ARHGAP15: variants seen among roughly 807,000 people sequenced by gnomAD.
ARHGAP15 encodes rho GTPase-activating protein 15.
A neutral mutation model predicts 63.7 loss-of-function variants in ARHGAP15; 51 were observed. The observed-to-expected ratio is 0.80, with a 90% CI of 0.64 to 1.01. The LOEUF is 1.01. Ranked by LOEUF, ARHGAP15 falls within the 50% of genes least tolerant of loss-of-function variation. The pLI is 0.00. For missense variants in ARHGAP15, 560 were observed against 564.6 expected (o/e 0.99, Z 0.08); for synonymous variants, 191 against 193.8 (o/e 0.99, Z 0.12).
At chr2:143,625,813 A>T (rs1698813116) in intron 12 of ARHGAP15, among the ~76,000 whole-genome samples, 2 of 152,072 alleles carry the variant, frequency 1.3e-5, no homozygotes, top group Admixed American at 1.3e-4. Flanking sequence ...AAGTCATATA[A>T]ATTTCACATC....
chr2:143,579,884 T>C (rs555934253), intron 11 of ARHGAP15, among the ~76,000 whole-genome samples: 1 of 150,524 alleles, frequency 6.6e-6, no homozygotes, highest in East Asian at 2.0e-4. Flanking sequence ...TTTTTATTTT[T>C]ATTTTTATTT....
Position 143,337,301 on chromosome 2 carries a change from T to A in ARHGAP15, c.474+86701T>A, listed in dbSNP as rs149492478. 8.8e-3 allele frequency among the ~76,000 whole-genome samples: 1,338 copies of A among 152,276 alleles called. 23 individuals are homozygous for A. Among genetic ancestry groups the A allele is most frequent in the African/African-American group, 0.03 (1,262 of 41,548 alleles). On this transcript the variant is annotated intron_variant, in intron 6 of 13. Coordinates refer to ENST00000295095, the MANE Select transcript of ARHGAP15 (RefSeq NM_018460.4). Reference sequence around the variant, plus strand: ...AGGGAGGTGGGAGGAAGGGGCCAGATTGCAGTTTTGATGGCTGAGTTAAAG... The same window carrying A: ...AGGGAGGTGGGAGGAAGGGGCCAGAATGCAGTTTTGATGGCTGAGTTAAAG...
At chr2:143,342,652 C>A (rs888655282) in intron 6 of ARHGAP15, among the ~76,000 whole-genome samples, 2 of 151,988 alleles carry the variant, frequency 1.3e-5, no homozygotes, top group African/African-American at 2.4e-5. Flanking sequence ...CTCTGACAAC[C>A]TTTAAGTTTG....
chr2:143,569,968 T>C (rs1696385463), intron 11 of ARHGAP15, among the ~76,000 whole-genome samples: 1 of 152,206 alleles, frequency 6.6e-6, no homozygotes. Context: ...TCAATTTTCA[T>C]GTCACCTCTT....
chr2:143,548,402 G>T (rs1302057155), intron 10 of ARHGAP15, among the ~76,000 whole-genome samples: 3 of 151,356 alleles, frequency 2.0e-5, no homozygotes, highest in Non-Finnish European at 4.4e-5. Context: ...CTCTTTCGAG[G>T]TATTTAATTT....
At chr2:143,430,033 C>A (rs887626007) in intron 6 of ARHGAP15, among the ~76,000 whole-genome samples, 3 of 152,056 alleles carry the variant, frequency 2.0e-5, no homozygotes, top group African/African-American at 7.2e-5. Flanking sequence ...GTGGCTTGTT[C>A]CTCATACAAC....
At chr2:143,338,543 T>C (rs1161758381) in intron 6 of ARHGAP15, among the ~76,000 whole-genome samples, 7 of 152,134 alleles carry the variant, frequency 4.6e-5, no homozygotes, top group Non-Finnish European at 7.4e-5. Flanking sequence ...GATTACTCGA[T>C]GGGAAGTAGG....
At chr2:143,448,914 A>G (rs1690270047) in intron 8 of ARHGAP15, among the ~76,000 whole-genome samples, 1 of 152,080 alleles carries the variant, frequency 6.6e-6, no homozygotes. Flanking sequence ...GAAAGTCCAG[A>G]GCCAAAGGGT....
At chr2:143,468,290 T>C (rs773966676) in intron 8 of ARHGAP15, among the ~76,000 whole-genome samples, 2 of 152,026 alleles carry the variant, frequency 1.3e-5, no homozygotes, top group Non-Finnish European at 2.9e-5. Flanking sequence ...TTTTTTTCCT[T>C]TAGGGACTTT....
intron 1 of ARHGAP15, among the ~76,000 whole-genome samples, chr2:143,134,137 ATCTATCTATCTATCTACCTATCTATCT>A (rs1558765451): frequency 9.9e-4 from 30 of 30,428 alleles, no homozygotes; most frequent in Non-Finnish European, 2.9e-3. Flanking sequence ...CTATCTATCT[ATCTATCTATCTATCTACCTATCTATCT>A]ATCATCTATC....
intron 10 of ARHGAP15, among the ~76,000 whole-genome samples, chr2:143,541,212 T>C (rs976617352): frequency 6.6e-6 from 1 of 152,238 alleles, no homozygotes; most frequent in Non-Finnish European, 1.5e-5. Context: ...TCTTGTGCCA[T>C]GGTTTTCAGC....
At chr2:143,627,634 TC>T (rs1280306149) in intron 12 of ARHGAP15, among the ~76,000 whole-genome samples, 1 of 152,082 alleles carries the variant, frequency 6.6e-6, no homozygotes, top group African/African-American at 2.4e-5. Flanking sequence ...ACAGATCCAC[TC>T]GCGAGTTTTC....
At chr2:143,327,506 G>T (rs1291033814) in intron 6 of ARHGAP15, among the ~76,000 whole-genome samples, 3 of 152,082 alleles carry the variant, frequency 2.0e-5, no homozygotes, top group Non-Finnish European at 4.4e-5. Flanking sequence ...ATACTACAAG[G>T]CTACAGTTAA....
chr2:143,758,274 G>T (rs992114105), intron 13 of ARHGAP15, among the ~76,000 whole-genome samples: 7 of 151,182 alleles, frequency 4.6e-5, no homozygotes, highest in Non-Finnish European at 8.8e-5. Flanking sequence ...ATATACAAGT[G>T]TGTGTGTATA....
chr2:143,348,196 T>G (rs1685384866), intron 6 of ARHGAP15, among the ~76,000 whole-genome samples: 1 of 152,194 alleles, frequency 6.6e-6, no homozygotes, highest in African/African-American at 2.4e-5. Flanking sequence ...TACCTTGATG[T>G]CATACTCACA....
At chr2:143,600,054 C>T (rs909886644) in intron 11 of ARHGAP15, among the ~76,000 whole-genome samples, 2 of 152,134 alleles carry the variant, frequency 1.3e-5, no homozygotes, top group Admixed American at 1.3e-4. Flanking sequence ...AAGAAGGGAA[C>T]TTGAAGTGAA....
At chr2:143,630,670 T>C (rs1473443678) in intron 12 of ARHGAP15, among the ~76,000 whole-genome samples, 1 of 152,148 alleles carries the variant, frequency 6.6e-6, no homozygotes, top group Non-Finnish European at 1.5e-5. Flanking sequence ...GCAAGCTAAA[T>C]AATATGCCTA....
intron 11 of ARHGAP15, among the ~76,000 whole-genome samples, chr2:143,605,814 G>C (rs1213204299): frequency 2.3e-5 from 3 of 130,652 alleles, no homozygotes; most frequent in South Asian, 5.0e-4. Flanking sequence ...AGGAGTTCGC[G>C]AACAGCCTGG....
chr2:143,179,126 A>G (rs1300653156), intron 2 of ARHGAP15, among the ~76,000 whole-genome samples: 1 of 152,236 alleles, frequency 6.6e-6, no homozygotes, highest in African/African-American at 2.4e-5. Flanking sequence ...AGGGCTTTTT[A>G]AAAATACAGA....
Sources: allele counts gnomAD v4.1 joint callset (sites outside exome capture counted in the v4.1 genomes callset), GRCh38; gene constraint gnomAD v4.1.1; transcripts MANE v1.5; gene names NCBI Gene and HGNC (gene_info 2026-07-23, HGNC 2026-07-21).